Variants in SLX4IP observed in about 807,000 individuals in gnomAD.
SLX4IP encodes the protein protein SLX4IP.
In SLX4IP, 34 loss-of-function variants were observed where a neutral mutation model predicts 32.9. The observed-to-expected ratio is 1.03, with a 90% CI of 0.79 to 1.38. The LOEUF is 1.38. Ranked by LOEUF, SLX4IP falls within the 40% of genes most tolerant of loss-of-function variation. The probability of loss-of-function intolerance (pLI) is 0.00; values close to 1 mark genes in which losing one functional copy is unlikely to be tolerated. For missense variants in SLX4IP, 444 were observed against 479.0 expected (o/e 0.93, Z 0.68); for synonymous variants, 172 against 171.7 (o/e 1.00, Z -0.01).
intron 2 of SLX4IP, among the ~76,000 whole-genome samples, chr20:10,540,685 G>A (rs1019695436): frequency 2.0e-5 from 3 of 152,212 alleles, no homozygotes; most frequent in Non-Finnish European, 2.9e-5. Context: ...ATTCCTTGAA[G>A]AGGGTGTTAT....
chr20:10,540,618 G>A (rs1011580764), intron 2 of SLX4IP, among the ~76,000 whole-genome samples: 8 of 152,170 alleles, frequency 5.3e-5, no homozygotes, highest in African/African-American at 1.7e-4. Context: ...AATGATCTTC[G>A]GCTTCTGAAG....
At chr20:10,506,937 T>C (rs1312792848) in intron 2 of SLX4IP, among the ~76,000 whole-genome samples, 1 of 152,222 alleles carries the variant, frequency 6.6e-6, no homozygotes, top group African/African-American at 2.4e-5. Context: ...GTGTACAATG[T>C]GATGATTTGA....
At chr20:10,579,037 G>A (rs1372696799) in intron 4 of SLX4IP, among the ~76,000 whole-genome samples, 1 of 151,736 alleles carries the variant, frequency 6.6e-6, no homozygotes, top group Non-Finnish European at 1.5e-5. Flanking sequence ...TCATTTTCTT[G>A]ATGGTGGCCT....
At chr20:10,518,427 CCCTCCCTCCTT>C (rs879407183) in intron 2 of SLX4IP, among the ~76,000 whole-genome samples, 16,579 of 104,632 alleles carry the variant, frequency 0.16, 2,373 homozygotes, top group South Asian at 0.33. Flanking sequence ...TTCCTTCCCT[CCCTCCCTCCTT>C]CTTCCTTCCT....
chr20:10,544,284 A>G (rs945553715), intron 2 of SLX4IP, among the ~76,000 whole-genome samples: 1 of 151,802 alleles, frequency 6.6e-6, no homozygotes, highest in Admixed American at 6.6e-5. Flanking sequence ...GATTTTCATC[A>G]TCTTTATCAT....
At chr20:10,605,001 T>A (rs2066889483) in intron 6 of SLX4IP, among the ~76,000 whole-genome samples, 1 of 152,224 alleles carries the variant, frequency 6.6e-6, no homozygotes, top group African/African-American at 2.4e-5. Context: ...GAATTTTGAT[T>A]GCGCTCAGCT....
intron 2 of SLX4IP, among the ~76,000 whole-genome samples, chr20:10,544,634 G>T (rs894985119): frequency 6.6e-6 from 1 of 152,104 alleles, no homozygotes; most frequent in African/African-American, 2.4e-5. Context: ...CAATCTGTCC[G>T]CCTTGGCCTT....
At chr20:10,591,406 G>C (rs2066708720) in intron 4 of SLX4IP, among the ~76,000 whole-genome samples, 1 of 152,138 alleles carries the variant, frequency 6.6e-6, no homozygotes. Flanking sequence ...TAGAATCTCA[G>C]AGTTGAAATG....
At chr20:10,449,877 G>C (rs934049017) in intron 1 of SLX4IP, among the ~76,000 whole-genome samples, 6 of 151,354 alleles carry the variant, frequency 4.0e-5, no homozygotes, top group African/African-American at 1.5e-4. Context: ...TTTTGATATT[G>C]GACTTTGATG....
Position 10,623,471 on chromosome 20 carries a change from A to C in SLX4IP, c.*92A>C. ...AATATAGATGCCGGGATTTTAAAGG[A>C]ATTAATTAGAATGACTAATTTAAAT... On this transcript the variant is annotated 3_prime_UTR_variant, in exon 8 of 8. Transcript: ENST00000334534. The C allele has an allele frequency of 2.7e-6, 4 of 1,465,352 alleles. No individual in the cohort carries two copies. The South Asian group carries it at 5.6e-5, about 21-fold the overall frequency. The allele number at this position is 1,465,352 out of a possible 1,614,324, so 90.8% of individuals were successfully genotyped here.
chr20:10,518,423 CCCTCCCTCCCTCCTT>C lies in SLX4IP; in HGVS notation c.28-37806_28-37792del, dbSNP rs1268005611. On this transcript the variant is annotated intron_variant, in intron 2 of 7. Transcript: ENST00000334534. ...TCTTTCTTTCCTTCCTTCCTTCCTT[CCCTCCCTCCCTCCTT>C]CTTCCTTCCTTCCTTCCTTCCTTCC... 8.8e-3 allele frequency among the ~76,000 whole-genome samples: 859 copies of C among 98,162 alleles called. 16 individuals are homozygous for C. The highest frequency in any genetic ancestry group is 0.03 in the South Asian group (65 of 2,154). The allele number at this position is 98,162 out of a possible 152,430, so 64.4% of individuals were successfully genotyped here.
At chr20:10,443,719 T>G (rs1442947470) in intron 1 of SLX4IP, among the ~76,000 whole-genome samples, 1 of 152,176 alleles carries the variant, frequency 6.6e-6, no homozygotes, top group African/African-American at 2.4e-5. Context: ...AAATCTCATG[T>G]TGAATTGTAA....
intron 2 of SLX4IP, among the ~76,000 whole-genome samples, chr20:10,529,859 C>T (rs918857034): frequency 6.6e-6 from 1 of 152,072 alleles, no homozygotes; most frequent in Admixed American, 6.5e-5. Flanking sequence ...TGAATCTCTG[C>T]CCTCAGTTTG....
intron 5 of SLX4IP, among the ~76,000 whole-genome samples, chr20:10,601,114 C>T (rs1485409259): frequency 1.3e-5 from 2 of 152,160 alleles, no homozygotes; most frequent in Non-Finnish European, 2.9e-5. Context: ...TTTTAAGAAG[C>T]AGCAATAATA....
chr20:10,451,805 A>T (rs961078521), intron 1 of SLX4IP, among the ~76,000 whole-genome samples: 1 of 151,674 alleles, frequency 6.6e-6, no homozygotes, highest in Non-Finnish European at 1.5e-5. Context: ...CGTCTCTACT[A>T]AAAATACAAA....
intron 2 of SLX4IP, among the ~76,000 whole-genome samples, chr20:10,490,027 T>G (rs1393006379): frequency 6.6e-6 from 1 of 152,112 alleles, no homozygotes; most frequent in Non-Finnish European, 1.5e-5. Flanking sequence ...AGTGTTAATA[T>G]CTAATTCTAA....
Position 10,435,316 on chromosome 20 carries a change from CCTTAAG to C in SLX4IP, c.-163_-158del, listed in dbSNP as rs2065099080. 1 of 152,220 alleles carries C rather than the reference CCTTAAG, an allele frequency of 6.6e-6. No homozygotes were observed. Among genetic ancestry groups the C allele is most frequent in the Admixed American group, 6.5e-5 (1 of 15,282 alleles). 9.4% of individuals were successfully genotyped at this position (152,220 alleles called of 1,614,324 possible). A position where few individuals can be genotyped will look rare whatever the true frequency, so the allele number is the denominator to read the frequency against. On this transcript the variant is annotated 5_prime_UTR_variant, in exon 1 of 8. Coordinates refer to ENST00000334534, the MANE Select transcript of SLX4IP (RefSeq NM_001009608.3). Reference sequence around the variant, plus strand: ...GAGGAAGTAAGCGCGAAAGTGCTTCCCTTAAGCTTCTGAAGGTTGGCTGCAGTTCCG... The same window carrying C: ...GAGGAAGTAAGCGCGAAAGTGCTTCCCTTCTGAAGGTTGGCTGCAGTTCCG...
At chr20:10,440,582 C>G (rs1026614109) in intron 1 of SLX4IP, among the ~76,000 whole-genome samples, 7 of 152,076 alleles carry the variant, frequency 4.6e-5, no homozygotes, top group Admixed American at 1.3e-4. Context: ...TAACCACTAT[C>G]GAAATCAGCA....
At chr20:10,496,552 C>T (rs528636958) in intron 2 of SLX4IP, among the ~76,000 whole-genome samples, 58 of 152,230 alleles carry the variant, frequency 3.8e-4, no homozygotes, top group African/African-American at 1.3e-3. Flanking sequence ...CTTTATCATC[C>T]CATAACTTGG....
Sources: gnomAD v4.1 joint callset for allele counts (sites outside exome capture counted in the v4.1 genomes callset) on GRCh38, gnomAD v4.1.1 for gene constraint, MANE v1.5 for transcripts, NCBI Gene and HGNC (gene_info 2026-07-23, HGNC 2026-07-21) for gene names.